CTNNA2: variants seen among roughly 807,000 people sequenced by gnomAD.
The protein encoded by CTNNA2 is catenin alpha-2.
CTNNA2 carries 42 observed loss-of-function variants against 101.0 expected under a neutral mutation model. That is an observed-to-expected ratio of 0.42 (90% CI 0.32 to 0.54). The LOEUF (loss-of-function observed/expected upper bound fraction) is 0.54, where lower values mean the gene tolerates loss of function less well. Among genes scored for constraint, CTNNA2 ranks in the 20% least tolerant of loss-of-function variants. The pLI, the probability that CTNNA2 is intolerant of heterozygous loss-of-function variation, is 0.14. For synonymous variants in CTNNA2, 450 were observed against 456.4 expected (o/e 0.99, Z 0.18); for missense variants, 871 against 1,223.1 (o/e 0.71, Z 4.29).
chr2:80,612,557 GA>G (rs1344285517), intron 17 of CTNNA2, among the ~76,000 whole-genome samples: 2 of 151,456 alleles, frequency 1.3e-5, no homozygotes, highest in Admixed American at 6.6e-5. Flanking sequence ...TTAGGGAAAA[GA>G]AAATGTGGGA....
intron 4 of CTNNA2, among the ~76,000 whole-genome samples, chr2:79,443,306 C>G (rs924665801): frequency 6.6e-6 from 1 of 152,004 alleles, no homozygotes; most frequent in Non-Finnish European, 1.5e-5. Flanking sequence ...AGTCCAAGTC[C>G]CACGACCCAA....
intron 7 of CTNNA2, among the ~76,000 whole-genome samples, chr2:80,210,445 T>C (rs1431427670): frequency 6.6e-6 from 1 of 152,082 alleles, no homozygotes; most frequent in Non-Finnish European, 1.5e-5. Context: ...TTCCCACCTA[T>C]GAGTGAGAAC....
At chr2:79,451,485 C>T (rs767052521) in intron 4 of CTNNA2, among the ~76,000 whole-genome samples, 6 of 151,806 alleles carry the variant, frequency 4.0e-5, no homozygotes, top group Non-Finnish European at 8.8e-5. Context: ...CTCAGCAACC[C>T]TCAGGAACAT....
intron 7 of CTNNA2, among the ~76,000 whole-genome samples, chr2:80,235,884 G>T (rs1446361765): frequency 6.6e-6 from 1 of 152,138 alleles, no homozygotes; most frequent in East Asian, 1.9e-4. Flanking sequence ...ATGGGGGTTT[G>T]TTATACAGAT....
intron 7 of CTNNA2, among the ~76,000 whole-genome samples, chr2:79,944,561 A>G (rs147879691): frequency 6.6e-6 from 1 of 152,218 alleles, no homozygotes; most frequent in African/African-American, 2.4e-5. Context: ...TACAGAAATC[A>G]GTGACCACAA....
intron 9 of CTNNA2, among the ~76,000 whole-genome samples, chr2:80,423,002 A>G (rs181939559): frequency 6.6e-6 from 1 of 151,992 alleles, no homozygotes; most frequent in Non-Finnish European, 1.5e-5. Flanking sequence ...TCCATAATAC[A>G]TTTGTATTTT....
chr2:79,309,556 G>T (rs1222551440), intron 2 of CTNNA2, among the ~76,000 whole-genome samples: 1 of 152,160 alleles, frequency 6.6e-6, no homozygotes, highest in Non-Finnish European at 1.5e-5. Flanking sequence ...CAGGAACAAG[G>T]AGAAAGAACA....
At chr2:79,406,389 A>G (rs528462871) in intron 4 of CTNNA2, among the ~76,000 whole-genome samples, 22 of 152,176 alleles carry the variant, frequency 1.4e-4, no homozygotes, top group Admixed American at 1.4e-3. Flanking sequence ...CGCAGCTTCT[A>G]AAGTCCAAAA....
chr2:80,413,545 A>G (rs1679778469), intron 8 of CTNNA2, among the ~76,000 whole-genome samples: 1 of 152,124 alleles, frequency 6.6e-6, no homozygotes, highest in South Asian at 2.1e-4. Flanking sequence ...TGGAGTGTGC[A>G]TTGATGGCAC....
In CTNNA2 at chr2:80,151,741, C is replaced by T. The variant is rs151150472; in HGVS notation, c.1057-241470C>T. Among the ~76,000 whole-genome samples the T allele has an allele frequency of 3.1e-3, 466 of 152,290 alleles. 11 individuals are homozygous for T. The highest frequency in any genetic ancestry group is 0.026 in the Admixed American group (395 of 15,294). On this transcript the variant is annotated intron_variant, in intron 7 of 18. Coordinates refer to ENST00000402739, the MANE Select transcript of CTNNA2 (RefSeq NM_001282597.3). The stretch of plus-strand genomic sequence containing the variant: ...AAGTCCTCATGGTTCCTACTGGTCC[C>T]GATTTCTGTGTAATGGCTGGCACTA...
At chr2:80,097,411 C>T (rs1199226896) in intron 7 of CTNNA2, among the ~76,000 whole-genome samples, 20 of 152,076 alleles carry the variant, frequency 1.3e-4, no homozygotes, top group African/African-American at 1.4e-4. Context: ...GTGGGTAACC[C>T]GACCTTTCTC....
intron 4 of CTNNA2, among the ~76,000 whole-genome samples, chr2:79,390,786 T>G (rs1678163627): frequency 2.0e-5 from 3 of 152,168 alleles, no homozygotes; most frequent in Admixed American, 2.0e-4. Flanking sequence ...TCAATAATAG[T>G]GCAGAAATGT....
intron 3 of CTNNA2, among the ~76,000 whole-genome samples, chr2:79,805,182 C>T (rs1676471765): frequency 6.6e-6 from 1 of 152,142 alleles, no homozygotes; most frequent in South Asian, 2.1e-4. Context: ...TCCCCTGTCC[C>T]ACCAAGCAAA....
upstream of CTNNA2, among the ~76,000 whole-genome samples, chr2:79,509,764 A>C (rs1671495745): frequency 6.6e-6 from 1 of 152,212 alleles, no homozygotes. Flanking sequence ...GGTGATGATG[A>C]TGTGTCAATA....
intron 7 of CTNNA2, among the ~76,000 whole-genome samples, chr2:80,021,784 C>A (rs1694581637): frequency 6.6e-6 from 1 of 151,954 alleles, no homozygotes; most frequent in Non-Finnish European, 1.5e-5. Flanking sequence ...ACATAGGCCA[C>A]CGTGTTATAT....
At chr2:79,262,890 A>G (rs966631659) in intron 2 of CTNNA2, among the ~76,000 whole-genome samples, 4 of 152,168 alleles carry the variant, frequency 2.6e-5, no homozygotes, top group African/African-American at 4.8e-5. Flanking sequence ...TTATGGGTTA[A>G]CTCTCAAGTC....
intron 7 of CTNNA2, among the ~76,000 whole-genome samples, chr2:80,167,260 CTTG>C (rs1362957109): frequency 6.6e-6 from 1 of 151,942 alleles, no homozygotes; most frequent in Non-Finnish European, 1.5e-5. Flanking sequence ...ATATATTTTT[CTTG>C]TTATTAGAAG....
At chr2:79,978,724 A>C (rs543008805) in intron 7 of CTNNA2, among the ~76,000 whole-genome samples, 5 of 152,282 alleles carry the variant, frequency 3.3e-5, no homozygotes, top group Admixed American at 3.3e-4. Flanking sequence ...GCAGTTGGAA[A>C]CACGCCTCTA....
intron 2 of CTNNA2, among the ~76,000 whole-genome samples, chr2:79,224,097 T>C (rs1674379472): frequency 6.6e-6 from 1 of 152,226 alleles, no homozygotes; most frequent in African/African-American, 2.4e-5. Context: ...TGCACTTCTA[T>C]CAATTTCTTT....
Sources: gnomAD v4.1 joint callset for allele counts (sites outside exome capture counted in the v4.1 genomes callset) on GRCh38, gnomAD v4.1.1 for gene constraint, MANE v1.5 for transcripts, NCBI Gene and HGNC (gene_info 2026-07-23, HGNC 2026-07-21) for gene names.